Variants in ANKS1A observed in about 807,000 individuals in gnomAD.
ANKS1A encodes the protein ankyrin repeat and SAM domain-containing protein 1A.
ANKS1A carries 55 observed loss-of-function variants against 120.3 expected under a neutral mutation model. The ratio of observed to expected loss-of-function variants is 0.46; its 90% confidence interval spans 0.37 to 0.57. The LOEUF (loss-of-function observed/expected upper bound fraction) is 0.57, where lower values mean the gene tolerates loss of function less well. Among genes scored for constraint, ANKS1A ranks in the 20% least tolerant of loss-of-function variants. The pLI, the probability that ANKS1A is intolerant of heterozygous loss-of-function variation, is 0.00. For missense variants in ANKS1A, 1,123 were observed against 1,480.3 expected (o/e 0.76, Z 3.96); for synonymous variants, 590 against 604.7 (o/e 0.98, Z 0.36).
At chr6:35,029,639 G>C (rs539066119) in intron 11 of ANKS1A, among the ~76,000 whole-genome samples, 1 of 151,116 alleles carries the variant, frequency 6.6e-6, no homozygotes, top group African/African-American at 2.4e-5. Flanking sequence ...CGTGAGCCAC[G>C]GCGCCCAGTC....
At chr6:34,966,552 G>A (rs948185416) in intron 1 of ANKS1A, among the ~76,000 whole-genome samples, 1 of 152,158 alleles carries the variant, frequency 6.6e-6, no homozygotes, top group Non-Finnish European at 1.5e-5. Flanking sequence ...ACAGAAATAA[G>A]AACTAAGGCT....
rs190108353 is a variant in ANKS1A at position 35,006,137 on chromosome 6, A to G, written c.1424-11336A>G. ...CGGGAGGCAGAGGTTGCAGTGAGCC[A>G]AGATCACTCCACTGCACTCCAGCCT... On this transcript the variant is annotated intron_variant, in intron 10 of 23. Coordinates refer to ENST00000360359, the MANE Select transcript of ANKS1A (RefSeq NM_015245.3). Among the ~76,000 whole-genome samples the G allele has an allele frequency of 1.3e-3, 199 of 149,570 alleles. 1 individual carries two copies. The highest frequency in any genetic ancestry group is 4.1e-3 in the Admixed American group (61 of 14,940).
At chr6:34,975,983 C>T (rs1370520176) in intron 3 of ANKS1A, among the ~76,000 whole-genome samples, 2 of 151,470 alleles carry the variant, frequency 1.3e-5, no homozygotes, top group South Asian at 2.1e-4. Context: ...ACTAAAAATA[C>T]AAAAATTAGC....
chr6:34,967,178 C>G, intron 1 of ANKS1A, 61 bp from the exon 2 acceptor site: 3 of 1,551,620 alleles, frequency 1.9e-6, no homozygotes, highest in Non-Finnish European at 2.6e-6. Context: ...CTATCTCTAA[C>G]TTTGGTTTGT....
At chr6:35,093,793 A>G (rs544518620), downstream of ANKS1A, among the ~76,000 whole-genome samples, 239 of 152,310 alleles carry the variant, frequency 1.6e-3, no homozygotes, top group Middle Eastern at 3.4e-3. Context: ...TTTAGACAAT[A>G]AATAACTGCT....
At chr6:35,097,637 G>GAAAA in the ANKS1A span, among the ~76,000 whole-genome samples, 6 of 89,722 alleles carry the variant, frequency 6.7e-5, no homozygotes, top group East Asian at 2.9e-4. Flanking sequence ...AAAGCCAAAA[G>GAAAA]AAAAAAAAAA....
At position 35,083,415 on chromosome 6, in the gene ANKS1A, A is replaced by G. The variant is rs111912352; in HGVS notation, c.2908-2A>G. The stretch of plus-strand genomic sequence containing the variant: ...GACAGGGCCACCCCTTGTTTCCTGT[A>G]GAAATCTACGGAGCACATGAAGAAG... On this transcript the variant is annotated splice_acceptor_variant, in intron 19 of 23. Transcript: ENST00000360359. LOFTEE classifies it high-confidence loss of function. 1 of 1,614,038 alleles carries G rather than the reference A, an allele frequency of 6.2e-7. No homozygotes were observed. The highest frequency in any genetic ancestry group is 8.5e-7 in the Non-Finnish European group (1 of 1,179,950).
Position 35,079,526 on chromosome 6 carries a change from T to A in ANKS1A, c.2294T>A (p.Leu765Gln), listed in dbSNP as rs1777549641. Residue 765 changes from leucine (L) to glutamine (Q), a missense_variant, in exon 15 of 24, where the codon CTG becomes CAG. Transcript: ENST00000360359. The part of the protein sequence containing the change: ...AARSLPKVKA[L>Q]GYDGNSPPSV... ...CTCCTTGCCCTGTAGGTGAAGGCTCTGGGTTATGACGGGAACAGCCCCCCT... is the reference window on the plus strand; with the variant it reads ...CTCCTTGCCCTGTAGGTGAAGGCTCAGGGTTATGACGGGAACAGCCCCCCT... The A allele has an allele frequency of 1.9e-6, 3 of 1,613,548 alleles. No homozygotes were observed.
intron 11 of ANKS1A, among the ~76,000 whole-genome samples, chr6:35,041,548 G>A (rs1161554439): frequency 6.6e-6 from 1 of 152,134 alleles, no homozygotes; most frequent in Non-Finnish European, 1.5e-5. Flanking sequence ...CAAACCCAAG[G>A]GTGTAAGTCC....
intron 1 of ANKS1A, among the ~76,000 whole-genome samples, chr6:34,948,768 A>G (rs1412356437): frequency 2.0e-5 from 3 of 152,072 alleles, no homozygotes; most frequent in East Asian, 3.9e-4. Context: ...AAACAAAACA[A>G]TTGTTTTGTT....
intron 1 of ANKS1A, among the ~76,000 whole-genome samples, chr6:34,954,822 TTAG>T (rs1770270404): frequency 1.3e-5 from 2 of 152,194 alleles, no homozygotes; most frequent in South Asian, 4.1e-4. Flanking sequence ...TTTCCAGTTC[TTAG>T]TGCTTTCTTC....
intron 1 of ANKS1A, among the ~76,000 whole-genome samples, chr6:34,952,441 A>G (rs1452836789): frequency 6.6e-6 from 1 of 152,164 alleles, no homozygotes; most frequent in African/African-American, 2.4e-5. Flanking sequence ...TGCCCCCAAA[A>G]CTCTGACTGA....
In ANKS1A at chr6:35,085,614, A is replaced by AG. The variant is rs1777919780; in HGVS notation, c.3133-151dup. 11 of 241,182 alleles carry AG rather than the reference A, an allele frequency of 4.6e-5. 1 individual carries two copies. The highest frequency in any genetic ancestry group is 1.1e-4 in the Admixed American group (1 of 8,912). The allele number at this position is 241,182 out of a possible 1,614,324, so 14.9% of individuals were successfully genotyped here. A position where few individuals can be genotyped will look rare whatever the true frequency, so the allele number is the denominator to read the frequency against. Reference sequence around the variant, plus strand: ...GGAAGAACAACAGAGACCTAGGAAGAGTAAAGGAGGGAAAGGAGGGAAGAG... The same window carrying AG: ...GGAAGAACAACAGAGACCTAGGAAGAGGTAAAGGAGGGAAAGGAGGGAAGAG... On this transcript the variant is annotated intron_variant, in intron 21 of 23. Coordinates refer to ENST00000360359, the MANE Select transcript of ANKS1A (RefSeq NM_015245.3). The surrounding 1 kb of genome is among the most constrained non-coding windows in gnomAD (Gnocchi z 4.7).
intron 1 of ANKS1A, among the ~76,000 whole-genome samples, chr6:34,920,069 G>A (rs1768355623): frequency 6.6e-6 from 1 of 152,154 alleles, no homozygotes; most frequent in South Asian, 2.1e-4. Flanking sequence ...GTTTTTTGTT[G>A]TTGTTAGTTT....
At chr6:34,939,515 AG>A (rs1769423486) in intron 1 of ANKS1A, among the ~76,000 whole-genome samples, 2 of 152,192 alleles carry the variant, frequency 1.3e-5, no homozygotes, top group African/African-American at 4.8e-5. Context: ...TGAAGTAATT[AG>A]TTGCCTTCTG....
At chr6:35,045,074 G>A (rs952384684) in intron 11 of ANKS1A, among the ~76,000 whole-genome samples, 2 of 152,212 alleles carry the variant, frequency 1.3e-5, no homozygotes, top group Non-Finnish European at 2.9e-5. Context: ...GCCTTTGGAG[G>A]AGGAACAGAT....
At chr6:34,936,107 G>C (rs185840405) in intron 1 of ANKS1A, among the ~76,000 whole-genome samples, 1 of 151,930 alleles carries the variant, frequency 6.6e-6, no homozygotes, top group South Asian at 2.1e-4. Context: ...TGGTGAAGTG[G>C]TGGTGAGATT....
chr6:35,085,617 A>C lies in ANKS1A; in HGVS notation c.3133-149A>C. 1 of 709,146 alleles carries C rather than the reference A, an allele frequency of 1.4e-6. No homozygotes were observed. Among genetic ancestry groups the C allele is most frequent in the Non-Finnish European group, 2.2e-6 (1 of 456,312 alleles). The allele number at this position is 709,146 out of a possible 1,614,324, so 43.9% of individuals were successfully genotyped here. ...AGAACAACAGAGACCTAGGAAGAGT[A>C]AAGGAGGGAAAGGAGGGAAGAGTGG... On this transcript the variant is annotated intron_variant, in intron 21 of 23. Transcript: ENST00000360359. The surrounding 1 kb of genome is among the most constrained non-coding windows in gnomAD (Gnocchi z 4.7).
In ANKS1A at chr6:34,982,143, A is replaced by G. The variant is rs1220788470; in HGVS notation, c.732+157A>G. On this transcript the variant is annotated intron_variant, in intron 4 of 23. Coordinates refer to ENST00000360359, the MANE Select transcript of ANKS1A (RefSeq NM_015245.3). This position sits in a 1 kb window ranked among gnomAD's most constrained non-coding sequence, Gnocchi z 4.9. The stretch of plus-strand genomic sequence containing the variant: ...GACTCATTCTAATGTGACACTAAGA[A>G]ACAAATGAACTCCTCAAGCAAGTCT... Among the ~76,000 whole-genome samples the G allele has an allele frequency of 6.6e-6, 1 of 152,202 alleles. No homozygotes were observed. The highest frequency in any genetic ancestry group is 1.5e-5 in the Non-Finnish European group (1 of 68,030).
Sources: allele counts gnomAD v4.1 joint callset (sites outside exome capture counted in the v4.1 genomes callset), GRCh38; gene constraint gnomAD v4.1.1; non-coding constraint Gnocchi (gnomAD v3.1); transcripts MANE v1.5; gene names NCBI Gene and HGNC (gene_info 2026-07-23, HGNC 2026-07-21).